The following EPHB1 variants were observed in gnomAD, a reference collection of about 807,000 sequenced individuals.
EPHB1 encodes EPH receptor B1, also known as ephrin type-B receptor 1.
Under a neutral mutation model 94.4 loss-of-function variants are expected in EPHB1, and 30 were observed. The ratio of observed to expected loss-of-function variants is 0.32; its 90% CI spans 0.24 to 0.43. EPHB1 has a LOEUF of 0.43. Ranked by LOEUF, EPHB1 falls within the 20% of genes least tolerant of loss-of-function variation. The pLI, the probability that EPHB1 is intolerant of heterozygous loss-of-function variation, is 1.00. For synonymous variants in EPHB1, 522 were observed against 489.1 expected, an observed-to-expected ratio of 1.07 and a Z score of -0.89; for missense variants, 1,055 against 1,308.3, an observed-to-expected ratio of 0.81 and a Z score of 2.99.
intron 15 of EPHB1, among the ~76,000 whole-genome samples, chr3:135,258,504 C>G (rs1933512610): frequency 6.6e-6 from 1 of 152,010 alleles, no homozygotes; most frequent in African/African-American, 2.4e-5. Flanking sequence ...TATTTTGAGC[C>G]CACTCTTCTT....
intron 12 of EPHB1, among the ~76,000 whole-genome samples, chr3:135,234,014 CTG>C: frequency 6.6e-6 from 1 of 152,150 alleles, no homozygotes. Context: ...ATGGGAGGGA[CTG>C]TGGTGAAGGT....
intron 3 of EPHB1, among the ~76,000 whole-genome samples, chr3:134,959,210 C>G (rs1455254439): frequency 1.3e-5 from 2 of 152,116 alleles, no homozygotes; most frequent in African/African-American, 4.8e-5. Context: ...TTTTCTTCAC[C>G]AACGTCTTCC....
intron 4 of EPHB1, among the ~76,000 whole-genome samples, chr3:135,112,540 TC>T (rs1184293558): frequency 3.1e-5 from 2 of 63,948 alleles, no homozygotes; most frequent in African/African-American, 1.3e-4. Flanking sequence ...CCCTCCCCCC[TC>T]CCCCCACCCC....
At chr3:135,218,577 C>G (rs1159831983) in intron 12 of EPHB1, among the ~76,000 whole-genome samples, 1 of 152,230 alleles carries the variant, frequency 6.6e-6, no homozygotes, top group Non-Finnish European at 1.5e-5. Context: ...GTGTGATATG[C>G]AAAGCCCTCT....
intron 4 of EPHB1, among the ~76,000 whole-genome samples, chr3:135,128,713 A>G (rs75737969): frequency 0.012 from 1,754 of 152,296 alleles, 27 homozygotes; most frequent in African/African-American, 0.04. Flanking sequence ...ACTGGAATAT[A>G]AGCTCCATAA....
At chr3:135,091,532 G>C (rs1246748323) in intron 3 of EPHB1, among the ~76,000 whole-genome samples, 1 of 152,188 alleles carries the variant, frequency 6.6e-6, no homozygotes, top group Admixed American at 6.5e-5. Flanking sequence ...GACAGTATCT[G>C]TGCTGGGTAT....
intron 2 of EPHB1, among the ~76,000 whole-genome samples, chr3:134,929,767 G>A (rs562152519): frequency 6.6e-6 from 1 of 152,294 alleles, no homozygotes; most frequent in African/African-American, 2.4e-5. Context: ...GGGTGAAGAG[G>A]CTCTGAGTGG....
intron 1 of EPHB1, 90 bp downstream of exon 1, chr3:134,795,779 C>A: frequency 7.1e-7 from 1 of 1,406,464 alleles, no homozygotes; most frequent in Non-Finnish European, 1.0e-6. Context: ...CCTCTGGCTG[C>A]TTTGCGGTGC....
At chr3:134,953,386 A>G (rs1312308085) in intron 3 of EPHB1, among the ~76,000 whole-genome samples, 2 of 152,366 alleles carry the variant, frequency 1.3e-5, no homozygotes, top group East Asian at 3.9e-4. Flanking sequence ...CCTGGTACCC[A>G]TGACGGATTG....
chr3:134,884,337 A>G (rs984638253), intron 1 of EPHB1, among the ~76,000 whole-genome samples: 3 of 152,230 alleles, frequency 2.0e-5, no homozygotes, highest in Admixed American at 1.3e-4. Flanking sequence ...GGCATGAGTG[A>G]TCATAATTCT....
chr3:134,957,554 G>T (rs1933326798), intron 3 of EPHB1, among the ~76,000 whole-genome samples: 1 of 152,154 alleles, frequency 6.6e-6, no homozygotes, highest in Admixed American at 6.5e-5. Context: ...AGCCATACAG[G>T]GCAGCCCTGA....
chr3:135,238,872 C>T (rs917761223), intron 12 of EPHB1, among the ~76,000 whole-genome samples: 5 of 152,246 alleles, frequency 3.3e-5, no homozygotes, highest in African/African-American at 1.2e-4. Context: ...GGTGTGACAA[C>T]AGCACCTTCC....
intron 2 of EPHB1, among the ~76,000 whole-genome samples, chr3:134,933,549 G>GAA (rs562400980): frequency 1.3e-5 from 2 of 150,424 alleles, no homozygotes; most frequent in African/African-American, 2.4e-5. Flanking sequence ...TGCTAGGTAG[G>GAA]AAAAAAAAAA....
At chr3:134,882,799 TTTCTTTCTTTCTTTC>T (rs1560280681) in intron 1 of EPHB1, among the ~76,000 whole-genome samples, 20 of 73,106 alleles carry the variant, frequency 2.7e-4, no homozygotes, top group Non-Finnish European at 6.2e-4. Context: ...TCTTTCTTTC[TTTCTTTCTTTCTTTC>T]TTTCTTTCTT....
chr3:134,968,173 C>CA (rs1933835453), intron 3 of EPHB1, among the ~76,000 whole-genome samples: 1 of 152,198 alleles, frequency 6.6e-6, no homozygotes, highest in Admixed American at 6.5e-5. Flanking sequence ...TAAATGATGA[C>CA]ATAACAGCAC....
intron 1 of EPHB1, among the ~76,000 whole-genome samples, chr3:134,894,429 A>C (rs944354376): frequency 5.3e-5 from 8 of 152,238 alleles, no homozygotes; most frequent in African/African-American, 1.2e-4. Flanking sequence ...TTTACAGCCT[A>C]GAAACCTTCT....
intron 1 of EPHB1, among the ~76,000 whole-genome samples, chr3:134,906,713 C>T (rs7630597): frequency 0.2 from 30,330 of 152,168 alleles, 3,132 homozygotes; most frequent in Admixed American, 0.27. Context: ...CCAGAGCAGA[C>T]CATCATAACA....
intron 1 of EPHB1, among the ~76,000 whole-genome samples, chr3:134,918,908 T>C (rs1267673283): frequency 6.6e-6 from 1 of 152,182 alleles, no homozygotes; most frequent in East Asian, 1.9e-4. Flanking sequence ...CTATAAGCCT[T>C]TCTTTAGTGT....
chr3:135,061,341 T>C lies in EPHB1; in HGVS notation c.806-45107T>C, dbSNP rs138095707. ...TCATTCTTATGCTTTTGTGTCCTCA[T>C]AGCTTAGCTCCCACTTAGGAATGAC... On this transcript the variant is annotated intron_variant, in intron 3 of 15. Transcript: ENST00000398015. Among the ~76,000 whole-genome samples, 857 of 150,432 alleles carry C rather than the reference T, an allele frequency of 5.7e-3. 8 individuals carry two copies. The highest frequency in any genetic ancestry group is 7.7e-3 in the Non-Finnish European group (523 of 67,780).
Sources: allele counts gnomAD v4.1 joint callset (sites outside exome capture counted in the v4.1 genomes callset), GRCh38; gene constraint gnomAD v4.1.1; transcripts MANE v1.5; gene names NCBI Gene and HGNC (gene_info 2026-07-23, HGNC 2026-07-21).